The following CCNJL variants were observed in gnomAD, a reference collection of about 807,000 sequenced individuals.
CCNJL encodes the protein cyclin-J-like protein.
A neutral mutation model predicts 33.4 loss-of-function variants in CCNJL; 33 were observed. The observed-to-expected ratio is 0.99, with a 90% CI of 0.75 to 1.32. The LOEUF is 1.32. Among genes scored for constraint, CCNJL ranks in the 40% most tolerant of loss-of-function variants. CCNJL has a pLI of 0.00. For synonymous variants in CCNJL, 227 were observed against 220.9 expected, an observed-to-expected ratio of 1.03 and a Z score of -0.24; for missense variants, 512 against 499.7, an observed-to-expected ratio of 1.02 and a Z score of -0.23.
chr5:160,271,688 CACGCAA>C (rs1277353342), intron 3 of CCNJL, among the ~76,000 whole-genome samples: 1 of 152,256 alleles, frequency 6.6e-6, no homozygotes, highest in Non-Finnish European at 1.5e-5. Flanking sequence ...GCGTGGCCAC[CACGCAA>C]ACGTCACTGA....
Position 160,253,330 on chromosome 5 carries a change from T to C in CCNJL, c.*48A>G, listed in dbSNP as rs1760891002. 1.3e-6 allele frequency: 2 copies of C among 1,521,918 alleles called. No homozygotes were observed. The highest frequency in any genetic ancestry group is 1.8e-6 in the Non-Finnish European group (2 of 1,131,504). The allele number at this position is 1,521,918 out of a possible 1,614,324, so 94.3% of individuals were successfully genotyped here. A position where few individuals can be genotyped will look rare whatever the true frequency, so the allele number is the denominator to read the frequency against. ...CTGAGCTCTCCTCTTCAGTGTCCTC[T>C]TCCTCTGCCCACATCTCCAAGGCTT... On this transcript the variant is annotated 3_prime_UTR_variant, in exon 6 of 6. Coordinates refer to ENST00000257536, the MANE Select transcript of CCNJL (RefSeq NM_001308173.3).
intron 3 of CCNJL, among the ~76,000 whole-genome samples, chr5:160,279,440 A>G (rs1329813462): frequency 6.6e-6 from 1 of 152,228 alleles, no homozygotes; most frequent in Non-Finnish European, 1.5e-5. Context: ...CATTAGCTCC[A>G]TTAGTTTCAT....
upstream of CCNJL, among the ~76,000 whole-genome samples, chr5:160,314,929 A>G (rs1763362115): frequency 1.3e-5 from 2 of 152,222 alleles, no homozygotes; most frequent in African/African-American, 2.4e-5. Context: ...AATATAAATT[A>G]AGACCATCTT....
At chr5:160,336,320 G>A (rs1334129670) in intron 1 of CCNJL, among the ~76,000 whole-genome samples, 3 of 152,190 alleles carry the variant, frequency 2.0e-5, no homozygotes, top group African/African-American at 7.2e-5. Context: ...ATCTCTAAGA[G>A]GGTCCCTAAG....
At chr5:160,310,460 G>A (rs1420674320) in intron 2 of CCNJL, among the ~76,000 whole-genome samples, 6 of 152,186 alleles carry the variant, frequency 3.9e-5, no homozygotes, top group African/African-American at 9.7e-5. Context: ...GCTACTCAAT[G>A]AGGTAAAAAC....
chr5:160,310,109 C>T (rs979119807), intron 2 of CCNJL, among the ~76,000 whole-genome samples: 1 of 152,156 alleles, frequency 6.6e-6, no homozygotes, highest in Non-Finnish European at 1.5e-5. Flanking sequence ...AGGTAGAAGT[C>T]GTTCCTCCTA....
Position 160,282,966 on chromosome 5 carries a change from AATATATATATATATATATATAT to A in CCNJL, c.67-2250_67-2229del, listed in dbSNP as rs70990720. On this transcript the variant is annotated intron_variant, in intron 2 of 5. Transcript: ENST00000257536. Reference sequence around the variant, plus strand: ...GTGACCCAGCCATTCCAGTCCTTGGAATATATATATATATATATATATATATATATATATATATATATACATA... The same window carrying A: ...GTGACCCAGCCATTCCAGTCCTTGGAATATATATATATATATATATACATA... Among the ~76,000 whole-genome samples, 321 of 43,396 alleles carry A rather than the reference AATATATATATATATATATATAT, an allele frequency of 7.4e-3. 10 individuals carry two copies. The highest frequency in any genetic ancestry group is 0.04 in the South Asian group (47 of 1,180). The allele number at this position is 43,396 out of a possible 152,430, so 28.5% of individuals were successfully genotyped here. A position where few individuals can be genotyped will look rare whatever the true frequency, so the allele number is the denominator to read the frequency against.
chr5:160,277,224 G>A (rs780157113), intron 3 of CCNJL, among the ~76,000 whole-genome samples: 1 of 152,166 alleles, frequency 6.6e-6, no homozygotes, highest in East Asian at 1.9e-4. Context: ...CAGCACGACC[G>A]CATAGGCTGG....
rs751951751 is a variant in CCNJL at position 160,253,748 on chromosome 5, A to G, written c.794T>C (p.Leu265Ser). The part of the protein sequence containing the change: ...KDAVAVKSQA[L>S]AMVPGTPPTP... Reference sequence around the variant, plus strand: ...GGGGGGTGTGCCGGGCACCATTGCCAAGGCCTGGCTCTTGACGGCTACGGC... The same window carrying G: ...GGGGGGTGTGCCGGGCACCATTGCCGAGGCCTGGCTCTTGACGGCTACGGC... Residue 265 changes from leucine (L) to serine (S), a missense_variant, in exon 6 of 6, where the codon TTG becomes TCG. Physicochemically the swap from Leu to Ser is moderately radical, Grantham distance 145 (BLOSUM62 -2). Coordinates refer to ENST00000257536, the MANE Select transcript of CCNJL (RefSeq NM_001308173.3). 1 of 1,554,622 alleles carries G rather than the reference A, an allele frequency of 6.4e-7. No individual in the cohort carries two copies. The highest frequency in any genetic ancestry group is 8.7e-7 in the Non-Finnish European group (1 of 1,151,486).
At chr5:160,337,158 C>A (rs1328022149) in intron 1 of CCNJL, among the ~76,000 whole-genome samples, 1 of 146,972 alleles carries the variant, frequency 6.8e-6, no homozygotes, top group Non-Finnish European at 1.5e-5. Context: ...CACGTACCAC[C>A]ATGCCCGGCA....
At chr5:160,254,059 C>T in intron 5 of CCNJL, 2 of 469,074 alleles carry the variant, frequency 4.3e-6, no homozygotes, top group Admixed American at 3.9e-5. Context: ...TCCCCACAGC[C>T]CCATGCTGCC....
At chr5:160,281,149 C>T (rs983773268) in intron 2 of CCNJL, among the ~76,000 whole-genome samples, 5 of 152,172 alleles carry the variant, frequency 3.3e-5, no homozygotes, top group South Asian at 2.1e-4. Flanking sequence ...ACCCTGGTCA[C>T]CTGCCATCAC....
upstream of CCNJL, chr5:160,313,008 AGATTTCCAAACG>A (rs1763328713): frequency 6.6e-6 from 1 of 150,934 alleles, no homozygotes; most frequent in South Asian, 2.1e-4. Context: ...ATGGGGAGGT[AGATTTCCAAACG>A]GACAATTCCA....
chr5:160,336,176 T>C (rs900525526), intron 1 of CCNJL, among the ~76,000 whole-genome samples: 2 of 152,218 alleles, frequency 1.3e-5, no homozygotes, highest in African/African-American at 4.8e-5. Context: ...AACTACCCAT[T>C]TGCCATCTCA....
At chr5:160,308,383 C>A (rs1219482324) in intron 2 of CCNJL, among the ~76,000 whole-genome samples, 1 of 152,210 alleles carries the variant, frequency 6.6e-6, no homozygotes, top group African/African-American at 2.4e-5. Flanking sequence ...CACTGAGGCC[C>A]CCGCAAGGAA....
At chr5:160,287,042 A>G (rs1762429516) in intron 2 of CCNJL, among the ~76,000 whole-genome samples, 1 of 152,184 alleles carries the variant, frequency 6.6e-6, no homozygotes, top group Non-Finnish European at 1.5e-5. Flanking sequence ...GCCCCCACAT[A>G]CCGGGGATTA....
In CCNJL at chr5:160,334,158, T is replaced by C. The variant is rs956803334; in HGVS notation, n.206+5287A>G. ...CAACTTCAGCAACCACCCTACTCCA[T>C]TGGGTCCTCCATCCATTGATCCCTC... On this transcript the variant is annotated intron_variant and non_coding_transcript_variant, in intron 1 of 7. Transcript: ENST00000377503. Among the ~76,000 whole-genome samples the C allele has an allele frequency of 2.9e-4, 44 of 152,144 alleles. 1 individual carries two copies. The highest frequency in any genetic ancestry group is 9.4e-4 in the African/African-American group (39 of 41,436).
intron 2 of CCNJL, among the ~76,000 whole-genome samples, chr5:160,285,483 G>A (rs991869953): frequency 1.3e-4 from 20 of 152,184 alleles, no homozygotes; most frequent in African/African-American, 4.8e-4. Flanking sequence ...GAATTGCAGT[G>A]GTGGATACAG....
At chr5:160,327,643 T>A (rs1763553714) in intron 1 of CCNJL, among the ~76,000 whole-genome samples, 1 of 152,144 alleles carries the variant, frequency 6.6e-6, no homozygotes, top group South Asian at 2.1e-4. Context: ...ATGGCCCCCG[T>A]CCTTCAGAAG....
Sources: gnomAD v4.1 joint callset for allele counts (sites outside exome capture counted in the v4.1 genomes callset) on GRCh38, gnomAD v4.1.1 for gene constraint, MANE v1.5 for transcripts, NCBI Gene and HGNC (gene_info 2026-07-23, HGNC 2026-07-21) for gene names.